VCL: variants seen among roughly 807,000 people sequenced by gnomAD.
VCL encodes vinculin, also known as epididymis luminal protein 114.
A neutral mutation model predicts 125.7 loss-of-function variants in VCL; 47 were observed. The ratio of observed to expected loss-of-function variants is 0.37; its 90% CI spans 0.30 to 0.48. The LOEUF (loss-of-function observed/expected upper bound fraction) is 0.48, where lower values mean the gene tolerates loss of function less well. VCL is among the 20% of genes least tolerant of loss of function. The probability of loss-of-function intolerance (pLI) is 0.99; values close to 1 mark genes in which losing one functional copy is unlikely to be tolerated. For missense variants in VCL, 1,069 were observed against 1,455.5 expected, an observed-to-expected ratio of 0.73 and a Z score of 4.32; for synonymous variants, 458 against 514.6, an observed-to-expected ratio of 0.89 and a Z score of 1.49.
Position 74,111,990 on chromosome 10 carries a change from C to G in VCL, c.2827C>G (p.Pro943Ala), listed in dbSNP as rs71579375. ...AADAAGFPVP[P>A]DMEDDYEPEL... ...CGATGCTGCTGGCTTCCCTGTCCCC[C>G]CTGACATGGAAGACGATTACGAACC... Residue 943 changes from proline to alanine, a missense_variant, in exon 19 of 22, where the codon CCT (proline) becomes GCT (alanine). By Grantham distance (27) the Pro-to-Ala change is conservative. Transcript: ENST00000211998. 1.8e-4 allele frequency: 292 copies of G among 1,614,076 alleles called. 1 individual carries two copies. Among genetic ancestry groups the G allele is most frequent in the Admixed American group, 5.0e-4 (30 of 60,002 alleles).
At chr10:74,002,279 C>CCAT in intron 1 of VCL, among the ~76,000 whole-genome samples, 1 of 152,188 alleles carries the variant, frequency 6.6e-6, no homozygotes, top group East Asian at 1.9e-4. Flanking sequence ...GCATGTGCCA[C>CCAT]CACGCCCGGC....
chr10:74,003,000 A>G (rs1316359002), intron 1 of VCL, among the ~76,000 whole-genome samples: 1 of 151,460 alleles, frequency 6.6e-6, no homozygotes, highest in Non-Finnish European at 1.5e-5. Flanking sequence ...ATATATATAA[A>G]TATATATATA....
chr10:74,010,926 C>T (rs1190169403), intron 1 of VCL, among the ~76,000 whole-genome samples: 2 of 151,694 alleles, frequency 1.3e-5, no homozygotes, highest in Non-Finnish European at 2.9e-5. Flanking sequence ...GCCCAGCACT[C>T]TGGGGTGCTG....
At chr10:74,108,484 T>C (rs923596662) in intron 17 of VCL, among the ~76,000 whole-genome samples, 17 of 152,122 alleles carry the variant, frequency 1.1e-4, no homozygotes, top group African/African-American at 4.1e-4. Flanking sequence ...TTTTTTTTCT[T>C]TTTTTCTTGT....
At chr10:74,012,848 C>T (rs1840460814) in intron 1 of VCL, among the ~76,000 whole-genome samples, 1 of 152,144 alleles carries the variant, frequency 6.6e-6, no homozygotes, top group Non-Finnish European at 1.5e-5. Context: ...TCTACTAATT[C>T]TCAGTTTTCA....
At position 74,027,108 on chromosome 10, in the gene VCL, G is replaced by A. The variant is rs1471100355; in HGVS notation, c.169-15975G>A. On this transcript the variant is annotated intron_variant, in intron 1 of 21. Transcript: ENST00000211998. ...AATAAGGATGCATTTTAAATTCTGTGGAATGAGAAAAGCACGTTCGGTTAG... is the reference window on the plus strand; with the variant it reads ...AATAAGGATGCATTTTAAATTCTGTAGAATGAGAAAAGCACGTTCGGTTAG... Among the ~76,000 whole-genome samples the A allele has an allele frequency of 5.3e-5, 8 of 152,228 alleles. No individual in the cohort carries two copies. In the South Asian group the frequency reaches 1.5e-3, roughly 28 times the overall value.
At chr10:74,114,651 A>G (rs950787050) in intron 20 of VCL, 144 bp from the exon 21 acceptor site, 6 of 989,590 alleles carry the variant, frequency 6.1e-6, no homozygotes, top group South Asian at 1.4e-5. Context: ...CCTAGGGGAA[A>G]AAACAAGTGG....
intron 1 of VCL, among the ~76,000 whole-genome samples, chr10:74,012,546 C>A (rs1455043652): frequency 6.6e-6 from 1 of 152,150 alleles, no homozygotes; most frequent in Non-Finnish European, 1.5e-5. Context: ...ACTACAAATA[C>A]AGTGGTTTTT....
intron 12 of VCL, 60 bp downstream of exon 12, chr10:74,095,915 G>A: frequency 1.3e-6 from 2 of 1,580,150 alleles, no homozygotes; most frequent in Non-Finnish European, 1.7e-6. Flanking sequence ...GAAAGACGAG[G>A]GAAGGAAGAG....
At chr10:74,093,103 C>T (rs979364229) in intron 10 of VCL, among the ~76,000 whole-genome samples, 12 of 152,224 alleles carry the variant, frequency 7.9e-5, no homozygotes, top group Admixed American at 7.2e-4. Flanking sequence ...TCGAGACCAG[C>T]CCGGTCAACA....
chr10:74,089,204 G>A lies in VCL; in HGVS notation c.1031G>A (p.Gly344Glu). 1 of 1,614,060 alleles carries A rather than the reference G, an allele frequency of 6.2e-7. No homozygotes were observed. The highest frequency in any genetic ancestry group is 8.5e-7 in the Non-Finnish European group (1 of 1,179,996). ...QVADLRARGQ[G>E]SSPVAMQKAQ... is the part of the protein sequence containing the mutation. ...GTGTCTGTTTTGAGCAGAGGACAAG[G>A]ATCCTCACCGGTGGCCATGCAGAAA... Residue 344 changes from glycine to glutamate, a missense_variant, in exon 9 of 22, where the codon GGA becomes GAA. By Grantham distance (98) the Gly-to-Glu change is moderately conservative. Transcript: ENST00000211998.
At chr10:74,038,858 A>G (rs1309250714) in intron 1 of VCL, among the ~76,000 whole-genome samples, 2 of 152,038 alleles carry the variant, frequency 1.3e-5, no homozygotes, top group Admixed American at 6.6e-5. Flanking sequence ...GCCTTCTAGC[A>G]TTGCTACCTT....
At position 74,090,040 on chromosome 10, in the gene VCL, A is replaced by C. The variant is rs1839853069; in HGVS notation, c.1194A>C (p.Pro398=). 3.1e-6 allele frequency: 5 copies of C among 1,614,088 alleles called. No individual in the cohort carries two copies. The highest frequency in any genetic ancestry group is 4.2e-6 in the Non-Finnish European group (5 of 1,180,036). The change falls in exon 10 of 22, where the codon CCA becomes CCC. Residue 398 remains proline, a synonymous_variant. Coordinates refer to ENST00000211998, the MANE Select transcript of VCL (RefSeq NM_014000.3). ...IDAAQNWLAD[P]NGGPEGEEQI... ...ATGTGTAGAACTGGCTTGCAGATCCAAATGGTGGACCGGAAGGAGAAGAGC... is the reference window on the plus strand; with the variant it reads ...ATGTGTAGAACTGGCTTGCAGATCCCAATGGTGGACCGGAAGGAGAAGAGC...
intron 14 of VCL, 38 bp from the exon 15 acceptor site, chr10:74,103,782 G>C (rs780467632): frequency 6.4e-7 from 1 of 1,567,420 alleles, no homozygotes; most frequent in South Asian, 1.1e-5. Flanking sequence ...TGGAGAGCAA[G>C]GGTGCTCTGG....
At chr10:74,075,196 A>G (rs1396889753) in intron 6 of VCL, 1 of 384,280 alleles carries the variant, frequency 2.6e-6, no homozygotes, top group Non-Finnish European at 4.8e-6. Context: ...CTGGTGGAAG[A>G]GTATATTCCC....
chr10:74,069,616 A>G (rs1841630617), intron 2 of VCL, among the ~76,000 whole-genome samples: 1 of 152,176 alleles, frequency 6.6e-6, no homozygotes, highest in Non-Finnish European at 1.5e-5. Flanking sequence ...TATGTTTTCA[A>G]ATGAGACTGT....
intron 8 of VCL, among the ~76,000 whole-genome samples, chr10:74,087,932 C>T (rs1405887547): frequency 6.6e-6 from 1 of 152,136 alleles, no homozygotes; most frequent in African/African-American, 2.4e-5. Flanking sequence ...AATTTTGGCT[C>T]ATTGCAACCA....
chr10:74,091,791 C>CAAA (rs545539526), intron 10 of VCL, among the ~76,000 whole-genome samples: 1,134 of 61,130 alleles, frequency 0.019, 165 homozygotes, highest in Middle Eastern at 0.048. Context: ...TCTGTCTCAG[C>CAAA]AAAAAAAAAA....
intron 1 of VCL, among the ~76,000 whole-genome samples, chr10:74,016,556 T>C (rs1840543930): frequency 6.6e-6 from 1 of 152,008 alleles, no homozygotes; most frequent in Non-Finnish European, 1.5e-5. Flanking sequence ...CACTGCCCTC[T>C]AGCCTGGGCA....
Sources: gnomAD v4.1 joint callset for allele counts (sites outside exome capture counted in the v4.1 genomes callset) on GRCh38, gnomAD v4.1.1 for gene constraint, MANE v1.5 for transcripts, NCBI Gene and HGNC (gene_info 2026-07-23, HGNC 2026-07-21) for gene names.